PTPRK: variants seen among roughly 807,000 people sequenced by gnomAD.
PTPRK encodes receptor-type tyrosine-protein phosphatase kappa.
PTPRK carries 75 observed loss-of-function variants against 178.0 expected under a neutral mutation model. The ratio of observed to expected loss-of-function variants is 0.42; its 90% CI spans 0.35 to 0.51. PTPRK has a LOEUF of 0.51. Ranked by LOEUF, PTPRK falls within the 20% of genes least tolerant of loss-of-function variation. The pLI is 0.02. For missense variants in PTPRK, 1,441 were observed against 1,797.8 expected (o/e 0.80, Z 3.59); for synonymous variants, 637 against 620.6 (o/e 1.03, Z -0.39).
intron 1 of PTPRK, among the ~76,000 whole-genome samples, chr6:128,514,475 C>T (rs369169120): frequency 1.3e-4 from 20 of 152,188 alleles, no homozygotes; most frequent in East Asian, 3.9e-4. Context: ...AACTCCACTA[C>T]GCACTATTTT....
chr6:128,052,874 C>T (rs1045935711), intron 13 of PTPRK, among the ~76,000 whole-genome samples: 1 of 152,002 alleles, frequency 6.6e-6, no homozygotes, highest in African/African-American at 2.4e-5. Context: ...AGTAATAGGC[C>T]TCTAGTTCAG....
At chr6:128,097,518 A>G (rs187526239) in intron 7 of PTPRK, among the ~76,000 whole-genome samples, 112 of 152,324 alleles carry the variant, frequency 7.4e-4, no homozygotes, top group African/African-American at 2.1e-3. Flanking sequence ...TCTTTTACCA[A>G]TAGATAGATA....
At chr6:128,008,658 T>C (rs1469838033) in intron 14 of PTPRK, among the ~76,000 whole-genome samples, 1 of 151,134 alleles carries the variant, frequency 6.6e-6, no homozygotes, top group Non-Finnish European at 1.5e-5. Flanking sequence ...AAGGCTAAAA[T>C]TTTTAGTCAA....
intron 7 of PTPRK, among the ~76,000 whole-genome samples, chr6:128,146,601 G>A (rs150238739): frequency 4.5e-3 from 683 of 151,886 alleles, no homozygotes; most frequent in Non-Finnish European, 7.4e-3. Context: ...ACACCACCAC[G>A]CCCAGCTAAT....
In PTPRK at chr6:128,273,045, T is replaced by G. The variant is rs149393924; in HGVS notation, c.496-30443A>C. Among the ~76,000 whole-genome samples, 332 of 152,296 alleles carry G rather than the reference T, an allele frequency of 2.2e-3. 4 individuals are homozygous for G. Among genetic ancestry groups the G allele is most frequent in the African/African-American group, 7.5e-3 (313 of 41,558 alleles). On this transcript the variant is annotated intron_variant, in intron 3 of 29. Transcript: ENST00000368226. ...TATGCAGCTATAAAAAAGGATGAGT[T>G]CATGTCCTTTGTAGGGACATGGATG...
intron 13 of PTPRK, among the ~76,000 whole-genome samples, chr6:128,029,687 A>G (rs144985989): frequency 1.4e-5 from 2 of 140,142 alleles, no homozygotes; most frequent in South Asian, 4.4e-4. Context: ...TAATAATAAT[A>G]ATCCAGCCTC....
intron 7 of PTPRK, among the ~76,000 whole-genome samples, chr6:128,153,246 G>T (rs1046530832): frequency 8.6e-5 from 13 of 151,818 alleles, no homozygotes; most frequent in African/African-American, 3.1e-4. Flanking sequence ...ATTTCACTAA[G>T]TTAGAATGAT....
At chr6:128,431,398 C>T (rs904678900) in intron 1 of PTPRK, among the ~76,000 whole-genome samples, 1 of 152,048 alleles carries the variant, frequency 6.6e-6, no homozygotes, top group Non-Finnish European at 1.5e-5. Flanking sequence ...TCTTTGTGAG[C>T]TAAGCAGTCT....
chr6:128,137,224 C>T (rs1795142451), intron 7 of PTPRK, among the ~76,000 whole-genome samples: 1 of 152,126 alleles, frequency 6.6e-6, no homozygotes, highest in Admixed American at 6.6e-5. Context: ...GCTTCCAGTT[C>T]CCAGTTTAAA....
chr6:128,294,853 T>C (rs1824015531), intron 3 of PTPRK, among the ~76,000 whole-genome samples: 1 of 152,062 alleles, frequency 6.6e-6, no homozygotes, highest in South Asian at 2.1e-4. Flanking sequence ...AAATAACTTA[T>C]GAATGTAGAC....
intron 1 of PTPRK, among the ~76,000 whole-genome samples, chr6:128,469,632 G>T (rs931819158): frequency 6.6e-6 from 1 of 151,984 alleles, no homozygotes; most frequent in African/African-American, 2.4e-5. Context: ...TGAATAATGC[G>T]CCCCCAACAA....
chr6:127,970,011 T>A lies in PTPRK; in HGVS notation c.*216A>T, dbSNP rs1773732460. 1 of 446,712 alleles carries A rather than the reference T, an allele frequency of 2.2e-6. No individual in the cohort carries two copies. The highest frequency in any genetic ancestry group is 3.9e-6 in the Non-Finnish European group (1 of 253,316). 27.7% of individuals were successfully genotyped at this position (446,712 alleles called of 1,614,324 possible). Reference sequence around the variant, plus strand: ...CTTATTAAATATAATTTATGTGGCATGAAATGTTGATGCTTTAATATAGTA... The same window carrying A: ...CTTATTAAATATAATTTATGTGGCAAGAAATGTTGATGCTTTAATATAGTA... On this transcript the variant is annotated 3_prime_UTR_variant, in exon 30 of 30. Coordinates refer to ENST00000368226, the MANE Select transcript of PTPRK (RefSeq NM_002844.4).
chr6:128,298,909 AG>A (rs1237657199), intron 3 of PTPRK, among the ~76,000 whole-genome samples: 9 of 152,170 alleles, frequency 5.9e-5, no homozygotes, highest in African/African-American at 1.2e-4. Context: ...GTATTCAATT[AG>A]GAAAAGAGGA....
At chr6:128,135,459 T>A (rs1490124855) in intron 7 of PTPRK, among the ~76,000 whole-genome samples, 1 of 152,226 alleles carries the variant, frequency 6.6e-6, no homozygotes, top group African/African-American at 2.4e-5. Context: ...ATGCTGCCTG[T>A]ACAACAGAAA....
At chr6:128,326,259 G>A (rs572556964) in intron 2 of PTPRK, among the ~76,000 whole-genome samples, 114 of 152,188 alleles carry the variant, frequency 7.5e-4, no homozygotes, top group African/African-American at 2.7e-3. Context: ...GTATACTTAT[G>A]TAACAAACCT....
intron 2 of PTPRK, among the ~76,000 whole-genome samples, chr6:128,325,928 A>T (rs1350961988): frequency 6.6e-6 from 1 of 152,218 alleles, no homozygotes; most frequent in Non-Finnish European, 1.5e-5. Context: ...CCAAATGTCC[A>T]TCAATGGTAG....
chr6:128,006,342 T>C (rs1372981900), intron 14 of PTPRK, among the ~76,000 whole-genome samples: 1 of 151,006 alleles, frequency 6.6e-6, no homozygotes, highest in Non-Finnish European at 1.5e-5. Flanking sequence ...AAAAATTAAA[T>C]GGATTGTGTA....
At chr6:127,984,754 C>T (rs780073327) in intron 22 of PTPRK, among the ~76,000 whole-genome samples, 9 of 152,164 alleles carry the variant, frequency 5.9e-5, no homozygotes, top group Non-Finnish European at 1.3e-4. Context: ...CTCTATTTAT[C>T]TTTGTCCCCT....
At chr6:128,080,955 T>C (rs1784709979) in intron 10 of PTPRK, among the ~76,000 whole-genome samples, 1 of 152,032 alleles carries the variant, frequency 6.6e-6, no homozygotes. Context: ...ATGGATGTTC[T>C]GGTCTTTTTT....
Sources: allele counts gnomAD v4.1 joint callset (sites outside exome capture counted in the v4.1 genomes callset), GRCh38; gene constraint gnomAD v4.1.1; transcripts MANE v1.5; gene names NCBI Gene and HGNC (gene_info 2026-07-23, HGNC 2026-07-21).